Variants in KIF3B observed in about 807,000 individuals in gnomAD.
KIF3B encodes the protein kinesin-like protein KIF3B.
A neutral mutation model predicts 74.3 loss-of-function variants in KIF3B; 38 were observed. The ratio of observed to expected loss-of-function variants is 0.51; its 90% CI spans 0.39 to 0.67. The LOEUF (loss-of-function observed/expected upper bound fraction) is 0.67, where lower values mean the gene tolerates loss of function less well. Ranked by LOEUF, KIF3B falls within the 30% of genes least tolerant of loss-of-function variation. KIF3B has a pLI of 0.00. For synonymous variants in KIF3B, 326 were observed against 342.5 expected, an observed-to-expected ratio of 0.95 and a Z score of 0.53; for missense variants, 649 against 932.0, an observed-to-expected ratio of 0.70 and a Z score of 3.95.
At position 32,316,298 on chromosome 20, in the gene KIF3B, A is replaced by G. The variant is rs1569203879; in HGVS notation, c.1485A>G (p.Lys495=). ...AACAGCAGAAAATCCTGGAGCAGAA[A>G]CGACAGGAAATTGCAGAGCAGGTAA... ...TNEQQKILEQ[K]RQEIAEQKRR... The change falls in exon 3 of 9, where the codon AAA becomes AAG. Residue 495 remains lysine, a synonymous_variant. Coordinates refer to ENST00000375712, the MANE Select transcript of KIF3B (RefSeq NM_004798.4). The G allele has an allele frequency of 3.1e-6, 5 of 1,613,100 alleles. No homozygotes were observed. Among genetic ancestry groups the G allele is most frequent in the South Asian group, 1.1e-5 (1 of 91,068 alleles).
rs1273367069 is a variant in KIF3B at position 32,322,692 on chromosome 20, ATATATATT to A, written c.1749-4063_1749-4056del. On this transcript the variant is annotated intron_variant, in intron 5 of 8. Transcript: ENST00000375712. Reference sequence around the variant, plus strand: ...TATATTTATATATTTATATATATTTATATATATTTATATATTTATATATATTTATATTT... The same window carrying A: ...TATATTTATATATTTATATATATTTATATATATTTATATATATTTATATTT... Among the ~76,000 whole-genome samples, 9 of 72,232 alleles carry A rather than the reference ATATATATT, an allele frequency of 1.2e-4. 2 individuals carry two copies. Among genetic ancestry groups the A allele is most frequent in the East Asian group, 1.8e-3 (2 of 1,088 alleles). 47.4% of individuals were successfully genotyped at this position (72,232 alleles called of 152,430 possible). A position where few individuals can be genotyped will look rare whatever the true frequency, so the allele number is the denominator to read the frequency against.
At chr20:32,320,084 G>A (rs1019944386) in intron 5 of KIF3B, among the ~76,000 whole-genome samples, 2 of 151,784 alleles carry the variant, frequency 1.3e-5, no homozygotes, top group African/African-American at 4.8e-5. Context: ...TAGTAGAGAC[G>A]GGGTTTTACC....
At chr20:32,283,091 A>G (rs1375915462) in intron 1 of KIF3B, among the ~76,000 whole-genome samples, 1 of 152,188 alleles carries the variant, frequency 6.6e-6, no homozygotes, top group Non-Finnish European at 1.5e-5. Flanking sequence ...GTTGGAATGC[A>G]GTGGTGTGAT....
At chr20:32,290,820 A>G (rs1387178235) in intron 1 of KIF3B, among the ~76,000 whole-genome samples, 2 of 151,800 alleles carry the variant, frequency 1.3e-5, no homozygotes. Context: ...TCAAGGATGC[A>G]GTGAGCTGTG....
rs773360132 is a variant in KIF3B at position 32,332,617 on chromosome 20, T to C, written c.*1298T>C. 6.6e-6 allele frequency: 1 copy of C among 152,222 alleles called. No individual in the cohort carries two copies. Among genetic ancestry groups the C allele is most frequent in the Non-Finnish European group, 1.5e-5 (1 of 68,048 alleles). 9.4% of individuals were successfully genotyped at this position (152,222 alleles called of 1,614,324 possible). ...GATTCAGAGCTTCATTTTATGTTGG[T>C]CATTAGGTGAATATTACTCATTTTC... On this transcript the variant is annotated 3_prime_UTR_variant, in exon 9 of 9. Transcript: ENST00000375712.
Position 32,333,645 on chromosome 20 carries a change from A to C in KIF3B, c.*2326A>C, listed in dbSNP as rs1190774138. 1 of 151,092 alleles carries C rather than the reference A, an allele frequency of 6.6e-6. No homozygotes were observed. Among genetic ancestry groups the C allele is most frequent in the Non-Finnish European group, 1.5e-5 (1 of 68,056 alleles). 9.4% of individuals were successfully genotyped at this position (151,092 alleles called of 1,614,324 possible). The stretch of plus-strand genomic sequence containing the variant: ...GAGACTCCCCCTCAAAAAAAAAAAA[A>C]AAAAAAAAAAAAACAGAAAGAAAGA... On this transcript the variant is annotated 3_prime_UTR_variant, in exon 9 of 9. Transcript: ENST00000375712.
At chr20:32,324,404 G>A (rs13043343) in intron 5 of KIF3B, among the ~76,000 whole-genome samples, 52,240 of 151,992 alleles carry the variant, frequency 0.34, 10,261 homozygotes, top group East Asian at 0.74. Flanking sequence ...TATCACACCC[G>A]GAGTCTGATT....
At chr20:32,279,253 A>G (rs1057455412) in intron 1 of KIF3B, among the ~76,000 whole-genome samples, 1 of 151,898 alleles carries the variant, frequency 6.6e-6, no homozygotes, top group Non-Finnish European at 1.5e-5. Context: ...CTATTAAGTG[A>G]TGGAAGTGGA....
At chr20:32,291,017 A>G (rs2047688755) in intron 1 of KIF3B, among the ~76,000 whole-genome samples, 1 of 152,212 alleles carries the variant, frequency 6.6e-6, no homozygotes, top group South Asian at 2.1e-4. Flanking sequence ...AGCCAGTCAC[A>G]AAAGGACAAA....
Position 32,317,315 on chromosome 20 carries a change from A to C in KIF3B, c.1748+441A>C, listed in dbSNP as rs1386692788. 5.3e-5 allele frequency among the ~76,000 whole-genome samples: 8 copies of C among 152,246 alleles called. No individual in the cohort carries two copies. In the South Asian group the frequency reaches 1.7e-3, roughly 32 times the overall value. ...CCCATGTTCTGTTCATTCCTGAAAA[A>C]GTCACTTTCCATCTCTGGATCCCAT... On this transcript the variant is annotated intron_variant, in intron 5 of 8. Coordinates refer to ENST00000375712, the MANE Select transcript of KIF3B (RefSeq NM_004798.4).
intron 1 of KIF3B, among the ~76,000 whole-genome samples, chr20:32,298,562 T>C (rs373893410): frequency 6.6e-6 from 1 of 152,224 alleles, no homozygotes; most frequent in African/African-American, 2.4e-5. Flanking sequence ...ACAGATAAAG[T>C]TGAAATATCC....
At chr20:32,279,491 G>C (rs1238114398) in intron 1 of KIF3B, among the ~76,000 whole-genome samples, 1 of 148,792 alleles carries the variant, frequency 6.7e-6, no homozygotes, top group African/African-American at 2.5e-5. Flanking sequence ...TTGAGACGGA[G>C]TTTTGCTGTT....
rs367573157 is a variant in KIF3B at position 32,278,297 on chromosome 20, G to A, written c.-66+532G>A. Among the ~76,000 whole-genome samples the A allele has an allele frequency of 1.6e-4, 24 of 152,124 alleles. 1 individual carries two copies. In the South Asian group the frequency reaches 4.8e-3, roughly 30 times the overall value. On this transcript the variant is annotated intron_variant, in intron 1 of 8. Transcript: ENST00000375712. ...GAAGTCTGAGCGAGTTAGAGACGTGGCATTTCCACTTAGTAACTGTGTGGC... is the reference window on the plus strand; with the variant it reads ...GAAGTCTGAGCGAGTTAGAGACGTGACATTTCCACTTAGTAACTGTGTGGC...
intron 5 of KIF3B, 59 bp downstream of exon 5, chr20:32,316,933 T>G: frequency 7.8e-7 from 1 of 1,284,990 alleles, no homozygotes; most frequent in South Asian, 1.2e-5. Context: ...TGATCTCGTT[T>G]GTTTAGTTAG....
rs1377031888 is a variant in KIF3B at position 32,299,396 on chromosome 20, TATA to T, written c.-65-10316_-65-10314del. 4.5e-4 allele frequency among the ~76,000 whole-genome samples: 29 copies of T among 64,322 alleles called. 1 individual carries two copies. The East Asian group carries it at 9.6e-3, about 21-fold the overall frequency. The allele number at this position is 64,322 out of a possible 152,430, so 42.2% of individuals were successfully genotyped here. A position where few individuals can be genotyped will look rare whatever the true frequency, so the allele number is the denominator to read the frequency against. On this transcript the variant is annotated intron_variant, in intron 1 of 8. Coordinates refer to ENST00000375712, the MANE Select transcript of KIF3B (RefSeq NM_004798.4). ...GTGTGTGTGTATATATATATATATA[TATA>T]TATATTTTTTTTTTTTTTTTTTTTT...
At chr20:32,309,104 C>T (rs2047787068) in intron 1 of KIF3B, among the ~76,000 whole-genome samples, 2 of 151,976 alleles carry the variant, frequency 1.3e-5, no homozygotes, top group Admixed American at 1.3e-4. Flanking sequence ...GTACCCTCAA[C>T]CTCCTGGGCT....
intron 5 of KIF3B, among the ~76,000 whole-genome samples, chr20:32,318,610 C>T (rs996422810): frequency 5.9e-5 from 9 of 152,180 alleles, no homozygotes; most frequent in African/African-American, 1.4e-4. Context: ...TTTCAAGGAT[C>T]GTCCATGCCG....
At chr20:32,308,207 G>T (rs1331184720) in intron 1 of KIF3B, among the ~76,000 whole-genome samples, 3 of 152,162 alleles carry the variant, frequency 2.0e-5, no homozygotes, top group Non-Finnish European at 4.4e-5. Context: ...CTGCACTCCA[G>T]CCTGGGTGAC....
intron 1 of KIF3B, among the ~76,000 whole-genome samples, chr20:32,302,655 C>T (rs892812649): frequency 6.6e-6 from 1 of 152,188 alleles, no homozygotes; most frequent in African/African-American, 2.4e-5. Flanking sequence ...CATTCTGTTT[C>T]TCTTACTCTA....
Sources: gnomAD v4.1 joint callset for allele counts (sites outside exome capture counted in the v4.1 genomes callset) on GRCh38, gnomAD v4.1.1 for gene constraint, MANE v1.5 for transcripts, NCBI Gene and HGNC (gene_info 2026-07-23, HGNC 2026-07-21) for gene names.